Variants in HIVEP2 observed in about 807,000 individuals in gnomAD.
The protein encoded by HIVEP2 is HIVEP zinc finger 2, also known as transcription factor HIVEP2.
A neutral mutation model predicts 180.7 loss-of-function variants in HIVEP2; 14 were observed. The ratio of observed to expected loss-of-function variants is 0.08; its 90% CI spans 0.05 to 0.12. HIVEP2 has a LOEUF of 0.12. Ranked by LOEUF, HIVEP2 falls within the 10% of genes least tolerant of loss-of-function variation. The pLI, the probability that HIVEP2 is intolerant of heterozygous loss-of-function variation, is 1.00. For synonymous variants in HIVEP2, 1,184 were observed against 1,136.4 expected, an observed-to-expected ratio of 1.04 and a Z score of -0.84; for missense variants, 2,579 against 3,008.5, an observed-to-expected ratio of 0.86 and a Z score of 3.34.
At chr6:142,912,348 C>T (rs1211668147) in intron 1 of HIVEP2, among the ~76,000 whole-genome samples, 1 of 152,130 alleles carries the variant, frequency 6.6e-6, no homozygotes, top group African/African-American at 2.4e-5. Context: ...TAACAGTGAT[C>T]GAACTTTTGT....
chr6:142,935,857 G>A (rs2128439965), intron 1 of HIVEP2, among the ~76,000 whole-genome samples: 1 of 152,208 alleles, frequency 6.6e-6, no homozygotes, highest in East Asian at 1.9e-4. Flanking sequence ...GTTAAAAGAT[G>A]AATAATTCAC....
chr6:142,904,868 A>C (rs938381188), intron 1 of HIVEP2, among the ~76,000 whole-genome samples: 3 of 152,154 alleles, frequency 2.0e-5, no homozygotes, highest in Non-Finnish European at 4.4e-5. Context: ...CACTATTATT[A>C]TCAGTTAAGT....
intron 1 of HIVEP2, among the ~76,000 whole-genome samples, chr6:142,846,115 T>C (rs1775510115): frequency 6.6e-6 from 1 of 152,178 alleles, no homozygotes; most frequent in Non-Finnish European, 1.5e-5. Context: ...CCTGGGAGGC[T>C]GGCCAGCCGC....
chr6:142,822,889 C>A (rs1562251523), intron 2 of HIVEP2, among the ~76,000 whole-genome samples: 3 of 152,200 alleles, frequency 2.0e-5, no homozygotes, highest in Non-Finnish European at 4.4e-5. Flanking sequence ...TCAAGCCCTA[C>A]CAGCCTACAG....
In HIVEP2 at chr6:142,774,052, C is replaced by T. The variant is rs558148421; in HGVS notation, c.687G>A (p.Lys229=). ...CIPCGFSFKT[K]SNLYKHRKSH... ...ACTTCCTGTGCTTGTACAAATTGCT[C>T]TTTGTCTTGAAAGAGAAACCACAAG... Residue 229 remains lysine, a synonymous_variant, in exon 5 of 10, where the codon AAG becomes AAA. Transcript: ENST00000367603. The surrounding 1 kb of genome is among the most constrained non-coding windows in gnomAD (Gnocchi z 5.1). 2 of 1,614,238 alleles carry T rather than the reference C, an allele frequency of 1.2e-6. No individual in the cohort carries two copies. The highest frequency in any genetic ancestry group is 3.3e-5 in the Admixed American group (2 of 60,022).
intron 1 of HIVEP2, among the ~76,000 whole-genome samples, chr6:142,859,502 A>C (rs1294018792): frequency 6.6e-6 from 1 of 151,744 alleles, no homozygotes; most frequent in African/African-American, 2.4e-5. Context: ...AATCCACATA[A>C]GCTTGTCGAA....
chr6:142,893,347 T>C lies in HIVEP2; in HGVS notation c.-641+51752A>G, dbSNP rs139570131. Among the ~76,000 whole-genome samples the C allele has an allele frequency of 5.8e-3, 888 of 152,330 alleles. 5 individuals are homozygous for C. Among genetic ancestry groups the C allele is most frequent in the Non-Finnish European group, 9.2e-3 (626 of 68,032 alleles). On this transcript the variant is annotated intron_variant, in intron 1 of 9. Coordinates refer to ENST00000367603, the MANE Select transcript of HIVEP2 (RefSeq NM_006734.4). ...CCCCACAGTAAAACAATTGCTCTTA[T>C]CAGTTGCATTAGTATTCCTAATGCG... is the stretch of plus-strand genomic sequence containing the variant.
rs911486365 is a variant in HIVEP2 at position 142,830,488 on chromosome 6, A to C, written c.-528+6447T>G. 1.2e-4 allele frequency among the ~76,000 whole-genome samples: 18 copies of C among 152,094 alleles called. 1 individual carries two copies. Among genetic ancestry groups the C allele is most frequent in the Admixed American group, 4.6e-4 (7 of 15,272 alleles). ...CATACACATGTTCCTGAGGAGGTGA[A>C]TTTGTGGGGGAATTTTGGCAGGGTG... On this transcript the variant is annotated intron_variant, in intron 2 of 9. Coordinates refer to ENST00000367603, the MANE Select transcript of HIVEP2 (RefSeq NM_006734.4).
intron 2 of HIVEP2, among the ~76,000 whole-genome samples, chr6:142,795,972 T>C (rs1776268247): frequency 3.3e-5 from 5 of 152,230 alleles, no homozygotes; most frequent in Admixed American, 6.5e-5. Context: ...AAGAAGGGGA[T>C]AATAAAGGTG....
Position 142,880,128 on chromosome 6 carries a change from T to C in HIVEP2, c.-640-43081A>G, listed in dbSNP as rs549663130. On this transcript the variant is annotated intron_variant, in intron 1 of 9. Coordinates refer to ENST00000367603, the MANE Select transcript of HIVEP2 (RefSeq NM_006734.4). Reference sequence around the variant, plus strand: ...CTTAGTCATCTTTATTAGATTCTATTATTCATTCGTCCCCAAAGCAGGAAT... The same window carrying C: ...CTTAGTCATCTTTATTAGATTCTATCATTCATTCGTCCCCAAAGCAGGAAT... Among the ~76,000 whole-genome samples, 145 of 152,260 alleles carry C rather than the reference T, an allele frequency of 9.5e-4. 1 individual carries two copies. Among genetic ancestry groups the C allele is most frequent in the African/African-American group, 3.4e-3 (142 of 41,550 alleles).
At chr6:142,923,325 C>T (rs1043376179) in intron 1 of HIVEP2, among the ~76,000 whole-genome samples, 4 of 148,534 alleles carry the variant, frequency 2.7e-5, no homozygotes, top group African/African-American at 7.5e-5. Flanking sequence ...AGCAAGACTC[C>T]GTCTCAAAAA....
chr6:142,901,756 G>A (rs996936510), intron 1 of HIVEP2, among the ~76,000 whole-genome samples: 15 of 152,138 alleles, frequency 9.9e-5, no homozygotes, highest in African/African-American at 2.9e-4. Flanking sequence ...AAGAAGTTTT[G>A]TATTATGACT....
intron 1 of HIVEP2, among the ~76,000 whole-genome samples, chr6:142,868,900 A>G (rs1359011728): frequency 6.6e-6 from 1 of 152,136 alleles, no homozygotes; most frequent in Non-Finnish European, 1.5e-5. Flanking sequence ...TAAGTATAGC[A>G]TTTTCTCCTT....
intron 1 of HIVEP2, among the ~76,000 whole-genome samples, chr6:142,848,484 C>T (rs1775570981): frequency 6.6e-6 from 1 of 151,978 alleles, no homozygotes; most frequent in South Asian, 2.1e-4. Context: ...CTTTGGGAAG[C>T]CAAGGTGGGA....
At position 142,753,513 on chromosome 6, in the gene HIVEP2, T is replaced by G. The variant is rs940602493; in HGVS notation, c.6935A>C (p.Glu2312Ala). The change falls in exon 10 of 10, where the codon GAA (glutamate) becomes GCA (alanine). Residue 2312 changes from glutamate to alanine, a missense_variant. By Grantham distance (107) the Glu-to-Ala change is moderately radical. Coordinates refer to ENST00000367603, the MANE Select transcript of HIVEP2 (RefSeq NM_006734.4). ...CCGCTCTGTTGCGTTTAGGCTGTCT[T>G]CCGAAGTGCTCTGTTTCATCAACAG... ...PRLLMKQSTS[E>A]DSLNATEREQ... 4 of 1,614,116 alleles carry G rather than the reference T, an allele frequency of 2.5e-6. No homozygotes were observed. Among genetic ancestry groups the G allele is most frequent in the Non-Finnish European group, 3.4e-6 (4 of 1,180,022 alleles).
intron 1 of HIVEP2, among the ~76,000 whole-genome samples, chr6:142,869,936 C>G (rs1178657422): frequency 3.3e-5 from 5 of 152,028 alleles, no homozygotes; most frequent in Middle Eastern, 3.2e-3. Flanking sequence ...AGAAGACTGA[C>G]CCTTAATTTC....
intron 2 of HIVEP2, among the ~76,000 whole-genome samples, chr6:142,805,061 G>C (rs548322185): frequency 6.6e-6 from 1 of 152,172 alleles, no homozygotes; most frequent in African/African-American, 2.4e-5. Flanking sequence ...CCTACATAAC[G>C]CCAGATTGTG....
At position 142,753,284 on chromosome 6, in the gene HIVEP2, G is replaced by A; in HGVS notation, c.7164C>T (p.Asp2388=). 1.2e-6 allele frequency: 2 copies of A among 1,614,196 alleles called. No homozygotes were observed. The highest frequency in any genetic ancestry group is 1.7e-6 in the Non-Finnish European group (2 of 1,180,040). Residue 2388 remains aspartate, a synonymous_variant, in exon 10 of 10, where the codon GAC becomes GAT. Coordinates refer to ENST00000367603, the MANE Select transcript of HIVEP2 (RefSeq NM_006734.4). ...AATTGTCCTTTTCACCATCATGCAA[G>A]TCAGGGTGGGTGGCTGAGGTACAGG... The part of the protein sequence containing the change: ...GQPCTSATHP[D]LHDGEKDNFG...
Position 142,802,551 on chromosome 6 carries a change from C to T in HIVEP2, c.-527-18936G>A, listed in dbSNP as rs961515473. ...GAAAAAAAAAAAGAAAACTACTATACGTAAATCATGTTCACAGCTCTAATT... is the reference window on the plus strand; with the variant it reads ...GAAAAAAAAAAAGAAAACTACTATATGTAAATCATGTTCACAGCTCTAATT... On this transcript the variant is annotated intron_variant, in intron 2 of 9. Transcript: ENST00000367603. 3.3e-5 allele frequency among the ~76,000 whole-genome samples: 5 copies of T among 151,972 alleles called. No homozygotes were observed. The South Asian group carries it at 6.2e-4, about 19-fold the overall frequency.
Sources: gnomAD v4.1 joint callset for allele counts (sites outside exome capture counted in the v4.1 genomes callset) on GRCh38, gnomAD v4.1.1 for gene constraint, Gnocchi (gnomAD v3.1) non-coding constraint, MANE v1.5 for transcripts, NCBI Gene and HGNC (gene_info 2026-07-23, HGNC 2026-07-21) for gene names.